Variants in AGBL1 observed in about 807,000 individuals in gnomAD.
The protein encoded by AGBL1 is AGBL carboxypeptidase 1.
Under a neutral mutation model 118.9 loss-of-function variants are expected in AGBL1, and 130 were observed. The ratio of observed to expected loss-of-function variants is 1.09; its 90% confidence interval spans 0.95 to 1.26. The LOEUF (loss-of-function observed/expected upper bound fraction) is 1.26. Ranked by LOEUF, AGBL1 falls within the 50% of genes most tolerant of loss-of-function variation. The pLI, the probability that AGBL1 is intolerant of heterozygous loss-of-function variation, is 0.00. For missense variants in AGBL1, 1,584 were observed against 1,298.1 expected (o/e 1.22, Z -3.38); for synonymous variants, 555 against 478.9 (o/e 1.16, Z -2.08).
chr15:86,802,704 T>C (rs1332216437), intron 22 of AGBL1, among the ~76,000 whole-genome samples: 3 of 152,118 alleles, frequency 2.0e-5, no homozygotes, highest in African/African-American at 7.2e-5. Context: ...GAAATCTCAA[T>C]ATTGTGCTAT....
chr15:86,378,193 C>T (rs1181237191), intron 17 of AGBL1, among the ~76,000 whole-genome samples: 2 of 152,108 alleles, frequency 1.3e-5, no homozygotes, highest in East Asian at 1.9e-4. Context: ...GTTTAAAATG[C>T]AGTATTGTCA....
At chr15:86,874,750 A>G (rs544999294) in intron 22 of AGBL1, among the ~76,000 whole-genome samples, 1 of 152,322 alleles carries the variant, frequency 6.6e-6, no homozygotes, top group Admixed American at 6.5e-5. Flanking sequence ...ACCCCATATT[A>G]TGAGTACTTT....
At chr15:86,292,473 C>T (rs2079563192) in intron 16 of AGBL1, among the ~76,000 whole-genome samples, 1 of 152,130 alleles carries the variant, frequency 6.6e-6, no homozygotes, top group South Asian at 2.1e-4. Flanking sequence ...AGACTACTGA[C>T]CTTCAGAACT....
chr15:86,082,693 T>A (rs571079909), intron 1 of AGBL1, among the ~76,000 whole-genome samples: 2 of 152,332 alleles, frequency 1.3e-5, no homozygotes, highest in South Asian at 2.1e-4. Context: ...AAGGGGTAAG[T>A]GGTTTTCCCT....
At chr15:86,106,676 C>T (rs972223225) in intron 1 of AGBL1, among the ~76,000 whole-genome samples, 6 of 152,236 alleles carry the variant, frequency 3.9e-5, no homozygotes, top group South Asian at 2.1e-4. Flanking sequence ...GAACCCCACT[C>T]GATTCAATCA....
At chr15:86,410,841 T>TTATATATATATATAA (rs1555481486) in intron 18 of AGBL1, among the ~76,000 whole-genome samples, 1 of 64,546 alleles carries the variant, frequency 1.5e-5, no homozygotes, top group African/African-American at 6.6e-5. Flanking sequence ...TATATATATA[T>TTATATATATATATAA]AATATACTAT....
At chr15:87,027,366 C>A (rs991669657) in intron 24 of AGBL1, among the ~76,000 whole-genome samples, 2 of 151,842 alleles carry the variant, frequency 1.3e-5, no homozygotes, top group Non-Finnish European at 2.9e-5. Flanking sequence ...TGGAAGACAT[C>A]GTGGTGATTC....
intron 23 of AGBL1, among the ~76,000 whole-genome samples, chr15:86,938,460 A>T (rs1391851468): frequency 2.0e-5 from 3 of 152,186 alleles, no homozygotes; most frequent in Non-Finnish European, 4.4e-5. Flanking sequence ...GGAGAAAACC[A>T]AAGTGTTGTT....
At chr15:86,691,386 A>G (rs1275432257) in intron 22 of AGBL1, among the ~76,000 whole-genome samples, 1 of 152,112 alleles carries the variant, frequency 6.6e-6, no homozygotes, top group African/African-American at 2.4e-5. Context: ...ATTATTTTTC[A>G]GTACTGAATT....
intron 21 of AGBL1, among the ~76,000 whole-genome samples, chr15:86,658,809 G>GA (rs1194668800): frequency 1.3e-5 from 2 of 152,056 alleles, no homozygotes; most frequent in Non-Finnish European, 2.9e-5. Context: ...TTGATTTAGG[G>GA]AAAAAACGTG....
At chr15:86,968,972 G>T (rs1050790011) in intron 23 of AGBL1, among the ~76,000 whole-genome samples, 5 of 151,790 alleles carry the variant, frequency 3.3e-5, no homozygotes, top group Admixed American at 6.6e-5. Context: ...CCACACAAAG[G>T]CCCCACCTTT....
chr15:86,545,263 T>A (rs948646712), intron 19 of AGBL1, among the ~76,000 whole-genome samples: 3 of 152,240 alleles, frequency 2.0e-5, no homozygotes, highest in East Asian at 1.9e-4. Flanking sequence ...ATCCTTTGTT[T>A]GATAAGCCAT....
chr15:86,180,451 G>A (rs1454963137), intron 5 of AGBL1, among the ~76,000 whole-genome samples: 1 of 152,076 alleles, frequency 6.6e-6, no homozygotes, highest in Non-Finnish European at 1.5e-5. Context: ...AATAAATGGT[G>A]CTGGAAAATC....
chr15:86,694,934 G>C (rs1236503273), intron 22 of AGBL1, among the ~76,000 whole-genome samples: 3 of 152,034 alleles, frequency 2.0e-5, no homozygotes, highest in Non-Finnish European at 4.4e-5. Context: ...CTGCATCCTT[G>C]ATATGAAACC....
chr15:86,902,369 A>C (rs893556654), intron 22 of AGBL1, among the ~76,000 whole-genome samples: 1 of 152,060 alleles, frequency 6.6e-6, no homozygotes, highest in Non-Finnish European at 1.5e-5. Context: ...AGTGTTGTTG[A>C]ACATCTTAAA....
At chr15:86,809,385 C>T (rs2141364942) in intron 22 of AGBL1, among the ~76,000 whole-genome samples, 1 of 152,282 alleles carries the variant, frequency 6.6e-6, no homozygotes, top group East Asian at 1.9e-4. Context: ...GTTAACATCT[C>T]AAAAAGCCAT....
At chr15:86,987,902 T>C (rs183004908) in intron 23 of AGBL1, 10 of 1,505,622 alleles carry the variant, frequency 6.6e-6, no homozygotes, top group African/African-American at 1.4e-5. Flanking sequence ...CTCAATAATA[T>C]GTTTTTAAAA....
At position 86,983,668 on chromosome 15, in the gene AGBL1, G is replaced by A. The variant is rs1057046191; in HGVS notation, c.3222-4319G>A. Among the ~76,000 whole-genome samples the A allele has an allele frequency of 2.6e-5, 4 of 152,152 alleles. No homozygotes were observed. The East Asian group carries it at 5.8e-4, about 22-fold the overall frequency. ...GAACACAGACTTGTTACCTCCAAAA[G>A]GTTCCCATGCGTTCCTTTGCAAGTA... On this transcript the variant is annotated intron_variant, in intron 23 of 24. Coordinates refer to the AGBL1 transcript ENST00000441037.
chr15:86,202,025 C>T (rs529792080), intron 5 of AGBL1, among the ~76,000 whole-genome samples: 2 of 152,148 alleles, frequency 1.3e-5, no homozygotes, highest in African/African-American at 2.4e-5. Flanking sequence ...GGAGCGCATG[C>T]CTGTAATCCT....
Sources: allele counts gnomAD v4.1 joint callset (sites outside exome capture counted in the v4.1 genomes callset), GRCh38; gene constraint gnomAD v4.1.1; transcripts MANE v1.5; gene names NCBI Gene and HGNC (gene_info 2026-07-23, HGNC 2026-07-21).